The following ARHGAP20 variants were observed in gnomAD, a reference collection of about 807,000 sequenced individuals.
ARHGAP20 encodes Rho GTPase activating protein 20.
In ARHGAP20, 34 loss-of-function variants were observed where a neutral mutation model predicts 73.7. The observed-to-expected ratio is 0.46, with a 90% CI of 0.35 to 0.61. ARHGAP20 has a LOEUF of 0.61. Ranked by LOEUF, ARHGAP20 falls within the 20% of genes least tolerant of loss-of-function variation. The pLI, the probability that ARHGAP20 is intolerant of heterozygous loss-of-function variation, is 0.00. For missense variants in ARHGAP20, 1,314 were observed against 1,420.9 expected (o/e 0.92, Z 1.21); for synonymous variants, 523 against 518.2 (o/e 1.01, Z -0.13).
At chr11:110,584,459 G>C (rs1402937852) in intron 12 of ARHGAP20, among the ~76,000 whole-genome samples, 1 of 151,162 alleles carries the variant, frequency 6.6e-6, no homozygotes, top group Admixed American at 6.6e-5. Flanking sequence ...CTAGGGAAAA[G>C]ATGATAGTCT....
chr11:110,693,676 C>T (rs779077236), intron 1 of ARHGAP20, among the ~76,000 whole-genome samples: 2 of 151,878 alleles, frequency 1.3e-5, no homozygotes, highest in Non-Finnish European at 2.9e-5. Context: ...ATTCACTGAT[C>T]TCTTAAAGAA....
chr11:110,706,406 T>A (rs1950553626), intron 1 of ARHGAP20, among the ~76,000 whole-genome samples: 1 of 151,922 alleles, frequency 6.6e-6, no homozygotes, highest in African/African-American at 2.4e-5. Flanking sequence ...CTTAAAGAGG[T>A]TTTTAAATTT....
At chr11:110,670,857 C>T (rs773948146) in intron 2 of ARHGAP20, among the ~76,000 whole-genome samples, 11 of 151,850 alleles carry the variant, frequency 7.2e-5, no homozygotes, top group East Asian at 3.9e-4. Flanking sequence ...ATTAACTGAC[C>T]GGTCTTACCC....
intron 2 of ARHGAP20, among the ~76,000 whole-genome samples, chr11:110,648,237 G>T (rs1243112634): frequency 8.3e-5 from 6 of 72,168 alleles, no homozygotes; most frequent in Non-Finnish European, 1.3e-4. Flanking sequence ...ATATATATAT[G>T]TAAATATATA....
At chr11:110,591,471 T>TA (rs1947827538) in intron 10 of ARHGAP20, among the ~76,000 whole-genome samples, 1 of 152,236 alleles carries the variant, frequency 6.6e-6, no homozygotes, top group African/African-American at 2.4e-5. Flanking sequence ...CAATACTGCT[T>TA]AGCAGTGATT....
chr11:110,624,912 T>G (rs1317716296), intron 3 of ARHGAP20, among the ~76,000 whole-genome samples: 1 of 152,188 alleles, frequency 6.6e-6, no homozygotes, highest in East Asian at 1.9e-4. Context: ...TAACTTCAAA[T>G]GTACTGCTGT....
At chr11:110,679,875 T>G (rs1240367694) in intron 2 of ARHGAP20, among the ~76,000 whole-genome samples, 3 of 152,188 alleles carry the variant, frequency 2.0e-5, no homozygotes, top group African/African-American at 7.2e-5. Context: ...AAGCATTAAT[T>G]CAATATACAT....
chr11:110,691,365 A>T (rs752263166), intron 1 of ARHGAP20, among the ~76,000 whole-genome samples: 7 of 151,996 alleles, frequency 4.6e-5, no homozygotes, highest in Non-Finnish European at 7.4e-5. Flanking sequence ...AATTAACCAT[A>T]TATAGTCACA....
intron 11 of ARHGAP20, among the ~76,000 whole-genome samples, chr11:110,587,625 T>C (rs1947705474): frequency 6.6e-6 from 1 of 152,190 alleles, no homozygotes; most frequent in Non-Finnish European, 1.5e-5. Flanking sequence ...CTAGCCATAG[T>C]AGAGGACATT....
chr11:110,645,301 C>T (rs1421645035), intron 2 of ARHGAP20, among the ~76,000 whole-genome samples: 2 of 152,058 alleles, frequency 1.3e-5, no homozygotes, highest in Admixed American at 6.6e-5. Context: ...TAAACCACTG[C>T]GCCCAGCCAA....
At chr11:110,663,681 A>T (rs1474635852) in intron 2 of ARHGAP20, among the ~76,000 whole-genome samples, 1 of 152,118 alleles carries the variant, frequency 6.6e-6, no homozygotes, top group Admixed American at 6.5e-5. Flanking sequence ...TAATGAAAGA[A>T]ATAAAACTAA....
At chr11:110,665,151 A>G (rs1949698508) in intron 2 of ARHGAP20, among the ~76,000 whole-genome samples, 2 of 152,348 alleles carry the variant, frequency 1.3e-5, no homozygotes, top group South Asian at 4.1e-4. Context: ...GGATGTAAAC[A>G]AAAACACATA....
chr11:110,579,667 C>A lies in ARHGAP20; in HGVS notation c.3279G>T (p.Leu1093Phe). The stretch of plus-strand genomic sequence containing the variant: ...ACAGTCCTTCAGCTGCCCTTAAGGG[C>A]AAGTCTTTTTGTTCCTCTTGCAGTG... ...ANSLQEEQKD[L>F]PLRAAEGLSP... Residue 1093 changes from leucine (L) to phenylalanine (F), a missense_variant, in exon 15 of 15, where the codon TTG (leucine) becomes TTT (phenylalanine). Coordinates refer to ENST00000683387, the MANE Select transcript of ARHGAP20 (RefSeq NM_001384657.1). The A allele has an allele frequency of 1.2e-6, 2 of 1,614,196 alleles. No homozygotes were observed. Among genetic ancestry groups the A allele is most frequent in the Non-Finnish European group, 1.7e-6 (2 of 1,180,036 alleles).
intron 4 of ARHGAP20, among the ~76,000 whole-genome samples, chr11:110,619,357 A>G (rs1471449536): frequency 6.6e-6 from 1 of 151,600 alleles, no homozygotes; most frequent in African/African-American, 2.4e-5. Flanking sequence ...GAGTATATGT[A>G]GTGATAGCAT....
chr11:110,626,004 G>A (rs2134940663), intron 3 of ARHGAP20, among the ~76,000 whole-genome samples: 1 of 152,296 alleles, frequency 6.6e-6, no homozygotes, highest in South Asian at 2.1e-4. Flanking sequence ...CCTCATTTAT[G>A]ATTCCCACAG....
At chr11:110,645,159 GC>G (rs1949162438) in intron 2 of ARHGAP20, among the ~76,000 whole-genome samples, 1 of 151,958 alleles carries the variant, frequency 6.6e-6, no homozygotes, top group African/African-American at 2.4e-5. Context: ...ACAGGCATGA[GC>G]CACCACACCC....
At chr11:110,616,420 T>G (rs1948483696) in intron 4 of ARHGAP20, among the ~76,000 whole-genome samples, 1 of 152,250 alleles carries the variant, frequency 6.6e-6, no homozygotes, top group South Asian at 2.1e-4. Flanking sequence ...TTGCCTGGGC[T>G]GGAGTATAGA....
At chr11:110,625,040 T>C (rs755573633) in intron 3 of ARHGAP20, among the ~76,000 whole-genome samples, 9,481 of 137,806 alleles carry the variant, frequency 0.069, 413 homozygotes, top group Middle Eastern at 0.1. Flanking sequence ...TTATTTTTTT[T>C]TTTTTTTTGA....
At position 110,688,999 on chromosome 11, in the gene ARHGAP20, G is replaced by GCT. The variant is rs1555103221; in HGVS notation, c.188+1547_188+1548insAG. Among the ~76,000 whole-genome samples, 30 of 137,606 alleles carry GCT rather than the reference G, an allele frequency of 2.2e-4. 1 individual carries two copies. Among genetic ancestry groups the GCT allele is most frequent in the Non-Finnish European group, 2.2e-4 (14 of 64,036 alleles). 90.3% of individuals were successfully genotyped at this position (137,606 alleles called of 152,430 possible). On this transcript the variant is annotated intron_variant, in intron 2 of 14. Coordinates refer to ENST00000683387, the MANE Select transcript of ARHGAP20 (RefSeq NM_001384657.1). ...TGAAAAACTTCCATACTTTCATATA[G>GCT]TTTTTTTTTTTTTTTTGGAGATGGA... is the stretch of plus-strand genomic sequence containing the variant.
Sources: allele counts gnomAD v4.1 joint callset (sites outside exome capture counted in the v4.1 genomes callset), GRCh38; gene constraint gnomAD v4.1.1; transcripts MANE v1.5; gene names NCBI Gene and HGNC (gene_info 2026-07-23, HGNC 2026-07-21).